SLC4A10: variants seen among roughly 807,000 people sequenced by gnomAD.
The protein encoded by SLC4A10 is solute carrier family 4 member 10.
A neutral mutation model predicts 137.7 loss-of-function variants in SLC4A10; 42 were observed. The observed-to-expected ratio is 0.30, with a 90% CI of 0.24 to 0.39. The LOEUF (loss-of-function observed/expected upper bound fraction) is 0.39. Among genes scored for constraint, SLC4A10 ranks in the 10% least tolerant of loss-of-function variants. SLC4A10 has a pLI of 1.00. For missense variants in SLC4A10, 925 were observed against 1,355.0 expected, an observed-to-expected ratio of 0.68 and a Z score of 4.98; for synonymous variants, 474 against 464.1, an observed-to-expected ratio of 1.02 and a Z score of -0.27.
chr2:161,651,034 T>C (rs1008562245), intron 1 of SLC4A10: 1 of 152,430 alleles, frequency 6.6e-6, no homozygotes, highest in Non-Finnish European at 1.5e-5. Context: ...AACTTATGGT[T>C]CTTTTTCCAG....
At chr2:161,852,747 C>G (rs973719861) in intron 4 of SLC4A10, among the ~76,000 whole-genome samples, 1 of 152,038 alleles carries the variant, frequency 6.6e-6, no homozygotes, top group Non-Finnish European at 1.5e-5. Context: ...TGGGCACAGG[C>G]TCTGGAGAAA....
chr2:161,933,352 T>G lies in SLC4A10; in HGVS notation c.1998-9440T>G, dbSNP rs540835386. Reference sequence around the variant, plus strand: ...CTCTTTTTTCTTTCTATTCTTTTCTTTCTCTTTCTCTCTCTTTCTCTCTTT... The same window carrying G: ...CTCTTTTTTCTTTCTATTCTTTTCTGTCTCTTTCTCTCTCTTTCTCTCTTT... On this transcript the variant is annotated intron_variant, in intron 15 of 26. Transcript: ENST00000446997. 1.3e-5 allele frequency among the ~76,000 whole-genome samples: 2 copies of G among 151,256 alleles called. 1 individual carries two copies. Among genetic ancestry groups the G allele is most frequent in the Admixed American group, 1.3e-4 (2 of 15,098 alleles).
chr2:161,778,415 G>A (rs577067308), intron 2 of SLC4A10, among the ~76,000 whole-genome samples: 1 of 151,858 alleles, frequency 6.6e-6, no homozygotes, highest in East Asian at 1.9e-4. Context: ...AACTCATTGA[G>A]GGACAAATTT....
At chr2:161,915,049 A>T (rs532360225) in intron 15 of SLC4A10, among the ~76,000 whole-genome samples, 2 of 152,206 alleles carry the variant, frequency 1.3e-5, no homozygotes, top group South Asian at 4.2e-4. Context: ...CTTTTCCAAA[A>T]CTACCTAAGG....
chr2:161,693,446 A>G (rs2124938810), intron 1 of SLC4A10, among the ~76,000 whole-genome samples: 1 of 152,110 alleles, frequency 6.6e-6, no homozygotes, highest in East Asian at 1.9e-4. Context: ...CTTCCTAGAA[A>G]CCTGTGGGCC....
intron 19 of SLC4A10, 103 bp downstream of exon 19, chr2:161,950,951 A>G (rs970298935): frequency 1.1e-6 from 1 of 943,684 alleles, no homozygotes; most frequent in Non-Finnish European, 1.5e-6. Context: ...AGTGAAATAT[A>G]TAAAATAATG....
chr2:161,940,133 T>C (rs1298849873), intron 15 of SLC4A10, among the ~76,000 whole-genome samples: 1 of 152,148 alleles, frequency 6.6e-6, no homozygotes, highest in East Asian at 1.9e-4. Context: ...GTACTAAATC[T>C]TGGTAAGAAC....
At chr2:161,914,293 A>T (rs1161166371) in intron 15 of SLC4A10, among the ~76,000 whole-genome samples, 2 of 152,230 alleles carry the variant, frequency 1.3e-5, no homozygotes, top group Non-Finnish European at 1.5e-5. Flanking sequence ...TTATGAAAAC[A>T]TTCTGTGCTC....
intron 2 of SLC4A10, among the ~76,000 whole-genome samples, chr2:161,780,941 C>G (rs1243525111): frequency 6.6e-6 from 1 of 151,914 alleles, no homozygotes; most frequent in Non-Finnish European, 1.5e-5. Context: ...AATTTTCTGT[C>G]AAAACAACCC....
intron 7 of SLC4A10, among the ~76,000 whole-genome samples, chr2:161,873,589 G>T (rs2061279276): frequency 6.7e-6 from 1 of 150,004 alleles, no homozygotes; most frequent in African/African-American, 2.4e-5. Context: ...TTGAATACTT[G>T]GTGAAAATAC....
chr2:161,629,705 T>A (rs1163486969), intron 1 of SLC4A10, among the ~76,000 whole-genome samples: 1 of 151,848 alleles, frequency 6.6e-6, no homozygotes, highest in Non-Finnish European at 1.5e-5. Context: ...TGCCTATTCA[T>A]CCCTCCCTTT....
intron 1 of SLC4A10, among the ~76,000 whole-genome samples, chr2:161,760,227 C>G (rs183748921): frequency 2.2e-4 from 33 of 151,916 alleles, no homozygotes; most frequent in Admixed American, 2.2e-3. Flanking sequence ...TTAGTTATTT[C>G]TTTTGAATTT....
At chr2:161,966,529 A>C (rs1697611769) in intron 23 of SLC4A10, among the ~76,000 whole-genome samples, 1 of 152,228 alleles carries the variant, frequency 6.6e-6, no homozygotes. Flanking sequence ...AGGCGGGCAG[A>C]TCACGAGATC....
intron 1 of SLC4A10, among the ~76,000 whole-genome samples, chr2:161,657,500 C>T (rs1210897595): frequency 6.6e-6 from 1 of 151,906 alleles, no homozygotes; most frequent in Non-Finnish European, 1.5e-5. Context: ...ACTTACCTTT[C>T]TCTAAATACC....
At chr2:161,943,009 T>C (rs892770829) in intron 16 of SLC4A10, 112 bp downstream of exon 16, 59 of 707,832 alleles carry the variant, frequency 8.3e-5, no homozygotes, top group Non-Finnish European at 1.3e-4. Context: ...AAACTAATAG[T>C]TGTGTTTTAA....
intron 1 of SLC4A10, among the ~76,000 whole-genome samples, chr2:161,639,521 A>T (rs2034970763): frequency 6.6e-6 from 1 of 152,118 alleles, no homozygotes. Context: ...AAGAACAGAA[A>T]CCATATGATC....
At chr2:161,777,938 A>C (rs1035217423) in intron 2 of SLC4A10, among the ~76,000 whole-genome samples, 1 of 151,960 alleles carries the variant, frequency 6.6e-6, no homozygotes, top group Non-Finnish European at 1.5e-5. Context: ...TACTCATTAC[A>C]TCTCTTTGTT....
At chr2:161,758,510 A>G (rs1298829400) in intron 1 of SLC4A10, among the ~76,000 whole-genome samples, 2 of 151,964 alleles carry the variant, frequency 1.3e-5, no homozygotes, top group Non-Finnish European at 2.9e-5. Context: ...TTGTATCAGG[A>G]AACTTCTTTC....
At chr2:161,903,909 C>T (rs1057139604) in intron 12 of SLC4A10, 95 bp from the exon 13 acceptor site, 18 of 1,264,628 alleles carry the variant, frequency 1.4e-5, no homozygotes, top group South Asian at 7.7e-5. Flanking sequence ...TGATGGAAAA[C>T]GTATACTGTG....
Sources: gnomAD v4.1 joint callset for allele counts (sites outside exome capture counted in the v4.1 genomes callset) on GRCh38, gnomAD v4.1.1 for gene constraint, MANE v1.5 for transcripts, NCBI Gene and HGNC (gene_info 2026-07-23, HGNC 2026-07-21) for gene names.